The following IQSEC1 variants were observed in gnomAD, a reference collection of about 807,000 sequenced individuals.
The protein encoded by IQSEC1 is IQ motif and SEC7 domain-containing protein 1.
In IQSEC1, 31 loss-of-function variants were observed where a neutral mutation model predicts 91.0. That is an observed-to-expected ratio of 0.34 (90% CI 0.26 to 0.46). IQSEC1 has a LOEUF of 0.46. IQSEC1 is among the 20% of genes least tolerant of loss of function. The probability of loss-of-function intolerance (pLI) is 1.00; values close to 1 mark genes in which losing one functional copy is unlikely to be tolerated. For synonymous variants in IQSEC1, 699 were observed against 662.6 expected (o/e 1.05, Z -0.84); for missense variants, 1,388 against 1,575.6 (o/e 0.88, Z 2.02).
chr3:12,915,533 T>G, intron 7 of IQSEC1, 61 bp downstream of exon 7: 1 of 1,577,398 alleles, frequency 6.3e-7, no homozygotes, highest in South Asian at 1.1e-5. Context: ...TGAGAAGGCC[T>G]GGCAGGCAGC....
At position 13,143,823 on chromosome 3, in the gene IQSEC1, A is replaced by G. The variant is rs77581478; in HGVS notation, c.302+20281T>C. On this transcript the variant is annotated intron_variant, in intron 2 of 15. Coordinates refer to the IQSEC1 transcript ENST00000648114. ...GGGTTGGGAAAGGAAAGTCCAGGTGACATCACTGAACACCCAGATGCAGCC... is the reference window on the plus strand; with the variant it reads ...GGGTTGGGAAAGGAAAGTCCAGGTGGCATCACTGAACACCCAGATGCAGCC... 4.5e-3 allele frequency among the ~76,000 whole-genome samples: 688 copies of G among 152,324 alleles called. 56 individuals are homozygous for G. The East Asian group carries it at 0.12, about 28-fold the overall frequency.
At chr3:13,124,343 T>C (rs1475983969) in intron 2 of IQSEC1, among the ~76,000 whole-genome samples, 1 of 152,128 alleles carries the variant, frequency 6.6e-6, no homozygotes, top group Non-Finnish European at 1.5e-5. Context: ...AGTAGAGAAT[T>C]CGAGGACTCT....
chr3:13,151,256 C>T lies in IQSEC1; in HGVS notation c.302+12848G>A, dbSNP rs868084506. 5.9e-5 allele frequency among the ~76,000 whole-genome samples: 9 copies of T among 152,282 alleles called. No individual in the cohort carries two copies. The Middle Eastern group carries it at 0.014, about 230-fold the overall frequency. ...TTCTCTAAGAGAGAGGTGGACGATG[C>T]TATCGGGAGCCCCTGTCACAGCCCC... On this transcript the variant is annotated intron_variant, in intron 2 of 15. Transcript: ENST00000648114.
In IQSEC1 at chr3:12,913,617, C is replaced by T. The variant is rs575012320; in HGVS notation, c.2191-64G>A. The T allele has an allele frequency of 4.9e-5, 76 of 1,539,766 alleles. No homozygotes were observed. The African/African-American group carries it at 1.0e-3, about 20-fold the overall frequency. On this transcript the variant is annotated intron_variant, in intron 8 of 13. Transcript: ENST00000613206. ...TCTCCTCTAGGAGCCCTGGGGGCCG[C>T]AGTGGAGAAGTCTAGCCCTTCAAGC... is the stretch of plus-strand genomic sequence containing the variant.
At chr3:13,105,705 C>T (rs1043843965) in intron 2 of IQSEC1, among the ~76,000 whole-genome samples, 2 of 152,066 alleles carry the variant, frequency 1.3e-5, no homozygotes, top group African/African-American at 4.8e-5. Flanking sequence ...CATGACTGAC[C>T]AGTGAAAGAC....
intron 1 of IQSEC1, among the ~76,000 whole-genome samples, chr3:13,173,404 C>T (rs1365600302): frequency 2.6e-5 from 4 of 152,224 alleles, no homozygotes; most frequent in Admixed American, 6.5e-5. Context: ...CGGGCTCCCC[C>T]GGGGGCCTTG....
At chr3:12,965,258 T>C (rs1175308558) in intron 1 of IQSEC1, among the ~76,000 whole-genome samples, 1 of 152,238 alleles carries the variant, frequency 6.6e-6, no homozygotes, top group Non-Finnish European at 1.5e-5. Context: ...CATGGTGGCA[T>C]GGCTGGACTT....
Position 12,901,043 on chromosome 3 carries a change from A to G in IQSEC1, c.3285T>C (p.Pro1095=). The G allele has an allele frequency of 8.9e-7, 1 of 1,123,832 alleles. No individual in the cohort carries two copies. Among genetic ancestry groups the G allele is most frequent in the Non-Finnish European group, 1.2e-6 (1 of 802,786 alleles). 69.6% of individuals were successfully genotyped at this position (1,123,832 alleles called of 1,614,324 possible). The part of the protein sequence containing the change: ...GHTVHHHGQP[P]APPPPTSSKA... ...TGCTGCTGGTGGGGGGCGGCGGGGC[A>G]GGGGGCTGCCCATGGTGGTGCACTG... is the stretch of plus-strand genomic sequence containing the variant. The change falls in exon 14 of 14, where the codon CCT becomes CCC. Residue 1095 remains proline (P), a synonymous_variant. Transcript: ENST00000613206.
intron 1 of IQSEC1, among the ~76,000 whole-genome samples, chr3:13,265,646 C>T (rs980008433): frequency 1.3e-5 from 2 of 152,224 alleles, no homozygotes; most frequent in Admixed American, 1.3e-4. Context: ...CCTCATCCCT[C>T]TGGTGCAGCC....
rs372517236 is a variant in IQSEC1, at chr3:13,236,678, A to T, written c.272+46033T>A. Among the ~76,000 whole-genome samples the T allele has an allele frequency of 1.2e-4, 19 of 152,316 alleles. No homozygotes were observed. In the South Asian group the frequency reaches 3.9e-3, roughly 32 times the overall value. ...GGAGATAGCAGCCAGCTGGGTCCAC[A>T]GACGTGAGAAGGCGCCAGCTCCACC... On this transcript the variant is annotated intron_variant, in intron 1 of 15. Coordinates refer to the IQSEC1 transcript ENST00000648114.
At chr3:12,912,689 A>T (rs1004110953) in intron 9 of IQSEC1, among the ~76,000 whole-genome samples, 3 of 151,754 alleles carry the variant, frequency 2.0e-5, no homozygotes, top group Admixed American at 2.0e-4. Context: ...AAAAAAAAAA[A>T]AAAAAAAGAA....
At chr3:13,149,529 G>A (rs529633347) in intron 2 of IQSEC1, among the ~76,000 whole-genome samples, 1 of 152,182 alleles carries the variant, frequency 6.6e-6, no homozygotes, top group East Asian at 1.9e-4. Flanking sequence ...GAGGGGAGAG[G>A]GTGTCCCCGG....
chr3:13,151,885 G>C (rs1452413088), intron 2 of IQSEC1, among the ~76,000 whole-genome samples: 2 of 152,132 alleles, frequency 1.3e-5, no homozygotes, highest in Non-Finnish European at 2.9e-5. Context: ...AGAATCACTT[G>C]AACCCAGAAA....
chr3:13,015,130 G>A lies in IQSEC1; in HGVS notation c.23+57862C>T, dbSNP rs546284135. Among the ~76,000 whole-genome samples the A allele has an allele frequency of 4.2e-4, 64 of 152,300 alleles. No homozygotes were observed. In the South Asian group the frequency reaches 0.013, roughly 31 times the overall value. On this transcript the variant is annotated intron_variant, in intron 1 of 13. Transcript: ENST00000613206. Reference sequence around the variant, plus strand: ...CCTGGGCCACTGTGTGACTTCTGAGGGCCTCTGAGGACTTCTGACTTCTGT... The same window carrying A: ...CCTGGGCCACTGTGTGACTTCTGAGAGCCTCTGAGGACTTCTGACTTCTGT...
chr3:12,902,670 CAAAAA>C (rs1213830618), intron 13 of IQSEC1, 98 bp downstream of exon 13: 672 of 192,452 alleles, frequency 3.5e-3, no homozygotes, highest in Non-Finnish European at 4.2e-3. Flanking sequence ...AAAAAAAAAC[CAAAAA>C]AAAAAAAAAA....
chr3:13,090,565 A>G (rs983907238), intron 2 of IQSEC1, among the ~76,000 whole-genome samples: 1 of 152,106 alleles, frequency 6.6e-6, no homozygotes, highest in Admixed American at 6.5e-5. Flanking sequence ...ATGCTCATGG[A>G]GTCTGTGGGG....
At chr3:12,936,729 C>T in intron 2 of IQSEC1, 32 bp from the exon 3 acceptor site, 1 of 1,530,870 alleles carries the variant, frequency 6.5e-7, no homozygotes, top group Non-Finnish European at 8.8e-7. Flanking sequence ...GAGAACAGCA[C>T]TGCATGTAGG....
intron 2 of IQSEC1, among the ~76,000 whole-genome samples, chr3:13,078,839 C>T (rs1200582862): frequency 6.6e-6 from 1 of 152,218 alleles, no homozygotes; most frequent in Admixed American, 6.5e-5. Flanking sequence ...CCAAGCCTGG[C>T]GTACCTTGTG....
At position 12,900,135 on chromosome 3, in the gene IQSEC1, C is replaced by CTAT; in HGVS notation, c.*845_*847dup. ...TACCTGAAATAACAGCATTATAATA[C>CTAT]TATTTATGATAGTATTCTGTTAATA... On this transcript the variant is annotated 3_prime_UTR_variant, in exon 14 of 14. Transcript: ENST00000613206. The CTAT allele has an allele frequency of 2.1e-6, 2 of 973,822 alleles. No homozygotes were observed. The highest frequency in any genetic ancestry group is 2.4e-6 in the Non-Finnish European group (2 of 819,526). 60.3% of individuals were successfully genotyped at this position (973,822 alleles called of 1,614,324 possible). A position where few individuals can be genotyped will look rare whatever the true frequency, so the allele number is the denominator to read the frequency against.
Sources: gnomAD v4.1 joint callset for allele counts (sites outside exome capture counted in the v4.1 genomes callset) on GRCh38, gnomAD v4.1.1 for gene constraint, MANE v1.5 for transcripts, NCBI Gene and HGNC (gene_info 2026-07-23, HGNC 2026-07-21) for gene names.